The following LDLRAP1 variants were observed in gnomAD, a reference collection of about 807,000 sequenced individuals.
LDLRAP1 encodes low density lipoprotein receptor adaptor protein 1.
Under a neutral mutation model 37.8 loss-of-function variants are expected in LDLRAP1, and 30 were observed. The ratio of observed to expected loss-of-function variants is 0.79; its 90% CI spans 0.59 to 1.08. The LOEUF is 1.08. LDLRAP1 is among the 50% of genes least tolerant of loss of function. The pLI is 0.00. For synonymous variants in LDLRAP1, 156 were observed against 169.8 expected (o/e 0.92, Z 0.63); for missense variants, 375 against 401.6 (o/e 0.93, Z 0.57).
At chr1:25,564,688 G>C in intron 7 of LDLRAP1, 1 of 173,464 alleles carries the variant, frequency 5.8e-6, no homozygotes, top group Non-Finnish European at 1.2e-5. Flanking sequence ...TTTCTGCTGA[G>C]GCTGTGGGAC....
At position 25,557,278 on chromosome 1, in the gene LDLRAP1, A is replaced by G; in HGVS notation, c.459+11A>G. The G allele has an allele frequency of 1.0e-5, 10 of 989,116 alleles. No homozygotes were observed. Among genetic ancestry groups the G allele is most frequent in the South Asian group, 1.3e-5 (1 of 79,684 alleles). 61.3% of individuals were successfully genotyped at this position (989,116 alleles called of 1,614,324 possible). Reference sequence around the variant, plus strand: ...ACCAAGCGGAAGATGGTCAGCGGGGAGGGCTGGGGCGGGGACAGGGTCCAG... The same window carrying G: ...ACCAAGCGGAAGATGGTCAGCGGGGGGGGCTGGGGCGGGGACAGGGTCCAG... On this transcript the variant is annotated intron_variant, in intron 4 of 8. Transcript: ENST00000374338.
intron 4 of LDLRAP1, 23 bp from the exon 5 acceptor site, chr1:25,562,621 C>G: frequency 6.2e-7 from 1 of 1,609,716 alleles, no homozygotes; most frequent in Non-Finnish European, 8.5e-7. Flanking sequence ...GCACCCCTCC[C>G]CATCCCCACT....
At position 25,554,097 on chromosome 1, in the gene LDLRAP1, C is replaced by A. The variant is rs747606119; in HGVS notation, c.231+33C>A. 6.2e-7 allele frequency: 1 copy of A among 1,611,684 alleles called. No individual in the cohort carries two copies. ...CCCCAGTCAGGAAGGGTGGGGGAACCAGGGACCAAGGACCAGCTTCTTCCC... is the reference window on the plus strand; with the variant it reads ...CCCCAGTCAGGAAGGGTGGGGGAACAAGGGACCAAGGACCAGCTTCTTCCC... On this transcript the variant is annotated intron_variant, in intron 2 of 8. Transcript: ENST00000374338. The surrounding 1 kb of genome is among the most constrained non-coding windows in gnomAD (Gnocchi z 5.4).
chr1:25,571,959 A>G (rs1557717776), downstream of LDLRAP1, among the ~76,000 whole-genome samples: 1 of 152,152 alleles, frequency 6.6e-6, no homozygotes. Context: ...GTTATAGTTC[A>G]TGGTGCCCTG....
At chr1:25,564,171 T>A in intron 7 of LDLRAP1, 1 of 345,588 alleles carries the variant, frequency 2.9e-6, no homozygotes, top group South Asian at 2.4e-5. Flanking sequence ...GTCACCAGCT[T>A]GGTCCCTGAC....
In LDLRAP1 at chr1:25,544,140, G is replaced by C. The variant is rs1002408154; in HGVS notation, c.88+354G>C. Among the ~76,000 whole-genome samples, 2 of 152,112 alleles carry C rather than the reference G, an allele frequency of 1.3e-5. No individual in the cohort carries two copies. The highest frequency in any genetic ancestry group is 2.9e-5 in the Non-Finnish European group (2 of 67,992). ...CCTGGCCAGCTAGGGGGAGGCAGGC[G>C]CTCGTCGTCGGTGCCTAGGGGAGGA... is the stretch of plus-strand genomic sequence containing the variant. On this transcript the variant is annotated intron_variant, in intron 1 of 8. Coordinates refer to ENST00000374338, the MANE Select transcript of LDLRAP1 (RefSeq NM_015627.3). This position sits in a 1 kb window ranked among gnomAD's most constrained non-coding sequence, Gnocchi z 4.8.
rs142307179 is a variant in LDLRAP1 at position 25,563,507 on chromosome 1, G to A, written c.617-154G>A. On this transcript the variant is annotated intron_variant, in intron 6 of 8. Transcript: ENST00000374338. The stretch of plus-strand genomic sequence containing the variant: ...AGGTTCTCACTCTGTGGGCAGCTGC[G>A]CATCTGCTGTGGGGAGGTGCCAGGG... The A allele has an allele frequency of 1.8e-3, 1,643 of 933,208 alleles. 24 individuals carry two copies. The Admixed American group carries it at 0.025, about 14-fold the overall frequency. The allele number at this position is 933,208 out of a possible 1,614,324, so 57.8% of individuals were successfully genotyped here. A position where few individuals can be genotyped will look rare whatever the true frequency, so the allele number is the denominator to read the frequency against.
rs1174637961 is a variant in LDLRAP1 at position 25,568,470 on chromosome 1, CG to C, written c.*1480del. ...GGTGCCTCCCAGTGGCCTGGCTTGT[CG>C]GAGCAAGTTTCATCAGCCCTAGGGA... On this transcript the variant is annotated 3_prime_UTR_variant, in exon 9 of 9. Coordinates refer to ENST00000374338, the MANE Select transcript of LDLRAP1 (RefSeq NM_015627.3). 2 of 152,234 alleles carry C rather than the reference CG, an allele frequency of 1.3e-5. No individual in the cohort carries two copies. Among genetic ancestry groups the C allele is most frequent in the African/African-American group, 4.8e-5 (2 of 41,454 alleles). 9.4% of individuals were successfully genotyped at this position (152,234 alleles called of 1,614,324 possible).
At chr1:25,571,075 G>A (rs1281114445), downstream of LDLRAP1, among the ~76,000 whole-genome samples, 3 of 152,192 alleles carry the variant, frequency 2.0e-5, no homozygotes, top group Non-Finnish European at 4.4e-5. Flanking sequence ...TCTGACCCCA[G>A]CGCTCCGGAT....
In LDLRAP1 at chr1:25,544,500, C is replaced by T. The variant is rs989312389; in HGVS notation, c.88+714C>T. ...AAACCTGTTTTCTCTCGCACCTTTC[C>T]CCTCGGGCTTCCAGAGTCCCTTGGG... On this transcript the variant is annotated intron_variant, in intron 1 of 8. Transcript: ENST00000374338. This position sits in a 1 kb window ranked among gnomAD's most constrained non-coding sequence, Gnocchi z 4.8. 2.6e-5 allele frequency among the ~76,000 whole-genome samples: 4 copies of T among 152,214 alleles called. No homozygotes were observed. Among genetic ancestry groups the T allele is most frequent in the African/African-American group, 9.6e-5 (4 of 41,464 alleles).
Position 25,564,975 on chromosome 1 carries a change from G to A in LDLRAP1, c.748-198G>A, listed in dbSNP as rs574238412. The A allele has an allele frequency of 1.0e-4, 62 of 622,466 alleles. 3 individuals carry two copies. The highest frequency in any genetic ancestry group is 7.5e-4 in the South Asian group (42 of 56,344). The allele number at this position is 622,466 out of a possible 1,614,324, so 38.6% of individuals were successfully genotyped here. ...GGACATGGCCTTTCTCCTCTCCCAC[G>A]TCTCCAGCTTTGGGTCCTTGGGCTG... On this transcript the variant is annotated intron_variant, in intron 7 of 8. Coordinates refer to ENST00000374338, the MANE Select transcript of LDLRAP1 (RefSeq NM_015627.3).
the LDLRAP1 span, among the ~76,000 whole-genome samples, chr1:25,585,510 A>G: frequency 1.3e-5 from 2 of 152,126 alleles, no homozygotes; most frequent in Non-Finnish European, 2.9e-5. Context: ...TATTTTTAGT[A>G]GAGACAGGGT....
Position 25,554,988 on chromosome 1 carries a change from G to T in LDLRAP1, c.344+16G>T. 6.3e-7 allele frequency: 1 copy of T among 1,595,830 alleles called. No homozygotes were observed. Among genetic ancestry groups the T allele is most frequent in the East Asian group, 2.2e-5 (1 of 44,824 alleles). On this transcript the variant is annotated intron_variant, in intron 3 of 8. Transcript: ENST00000374338. This position sits in a 1 kb window ranked among gnomAD's most constrained non-coding sequence, Gnocchi z 5.4. ...CCATATACAGGTACGCTCAGCATGG[G>T]GTTGGCCCATCCACTCTGCCACTTG... is the stretch of plus-strand genomic sequence containing the variant.
At chr1:25,588,118 C>G in the LDLRAP1 span, among the ~76,000 whole-genome samples, 1 of 151,626 alleles carries the variant, frequency 6.6e-6, no homozygotes, top group Middle Eastern at 3.4e-3. Context: ...TCCCTAATCT[C>G]AAGTACCCAG....
chr1:25,571,570 AGAT>A (rs1351288384), downstream of LDLRAP1, among the ~76,000 whole-genome samples: 2 of 152,176 alleles, frequency 1.3e-5, no homozygotes, highest in African/African-American at 4.8e-5. Context: ...CCCATTTTAG[AGAT>A]GATGATACCA....
the LDLRAP1 span, among the ~76,000 whole-genome samples, chr1:25,588,696 G>A: frequency 1.3e-5 from 2 of 152,092 alleles, no homozygotes; most frequent in Admixed American, 6.6e-5. Context: ...GCTGAACGCC[G>A]GTCCCCTGGG....
At position 25,557,282 on chromosome 1, in the gene LDLRAP1, C is replaced by T. The variant is rs753254182; in HGVS notation, c.459+15C>T. ...AGCGGAAGATGGTCAGCGGGGAGGGCTGGGGCGGGGACAGGGTCCAGTGGC... is the reference window on the plus strand; with the variant it reads ...AGCGGAAGATGGTCAGCGGGGAGGGTTGGGGCGGGGACAGGGTCCAGTGGC... On this transcript the variant is annotated intron_variant, in intron 4 of 8. Transcript: ENST00000374338. The T allele has an allele frequency of 2.0e-5, 29 of 1,422,854 alleles. No homozygotes were observed. The highest frequency in any genetic ancestry group is 2.8e-5 in the Non-Finnish European group (28 of 1,013,708). The allele number at this position is 1,422,854 out of a possible 1,614,324, so 88.1% of individuals were successfully genotyped here. A position where few individuals can be genotyped will look rare whatever the true frequency, so the allele number is the denominator to read the frequency against.
At chr1:25,583,995 G>T in the LDLRAP1 span, among the ~76,000 whole-genome samples, 1 of 152,098 alleles carries the variant, frequency 6.6e-6, no homozygotes, top group African/African-American at 2.4e-5. Context: ...TTTAACATCT[G>T]GCTTCTCCAG....
At chr1:25,561,286 T>G (rs1011422249) in intron 4 of LDLRAP1, among the ~76,000 whole-genome samples, 2 of 152,248 alleles carry the variant, frequency 1.3e-5, no homozygotes, top group African/African-American at 4.8e-5. Flanking sequence ...AGTTTCATAC[T>G]TAATTACCAT....
Sources: gnomAD v4.1 joint callset for allele counts (sites outside exome capture counted in the v4.1 genomes callset) on GRCh38, gnomAD v4.1.1 for gene constraint, Gnocchi (gnomAD v3.1) non-coding constraint, MANE v1.5 for transcripts, NCBI Gene and HGNC (gene_info 2026-07-23, HGNC 2026-07-21) for gene names.